The following NTRK1 variants were observed in gnomAD, a reference collection of about 807,000 sequenced individuals.
NTRK1 encodes the protein neurotrophic receptor tyrosine kinase 1.
In NTRK1, 62 loss-of-function variants were observed where a neutral mutation model predicts 86.8. The observed-to-expected ratio is 0.71, with a 90% CI of 0.58 to 0.88. The LOEUF (loss-of-function observed/expected upper bound fraction) is 0.88. Ranked by LOEUF, NTRK1 falls within the 40% of genes least tolerant of loss-of-function variation. NTRK1 has a pLI of 0.00. For synonymous variants in NTRK1, 469 were observed against 456.6 expected (o/e 1.03, Z -0.35); for missense variants, 967 against 1,078.4 (o/e 0.90, Z 1.45).
At chr1:156,838,374 G>T (rs1654651000) in intron 1 of NTRK1, among the ~76,000 whole-genome samples, 1 of 145,582 alleles carries the variant, frequency 6.9e-6, no homozygotes. Context: ...CCAGCTACAG[G>T]CTTTTTTTTT....
intron 1 of NTRK1, chr1:156,816,758 G>C: frequency 6.5e-7 from 1 of 1,527,856 alleles, no homozygotes; most frequent in Non-Finnish European, 8.8e-7. Context: ...TATGTGTTCC[G>C]GAAAGGTGTG....
At chr1:156,855,176 TTATC>T (rs142014665) in intron 2 of NTRK1, among the ~76,000 whole-genome samples, 25 of 143,578 alleles carry the variant, frequency 1.7e-4, no homozygotes, top group South Asian at 1.4e-3. Context: ...CCATCCAATT[TTATC>T]TATCTATCTA....
At chr1:156,816,645 C>G in intron 1 of NTRK1, 1 of 1,595,894 alleles carries the variant, frequency 6.3e-7, no homozygotes, top group South Asian at 1.1e-5. Context: ...TGTGCCCCCT[C>G]CCACCCATAT....
At position 156,842,266 on chromosome 1, in the gene NTRK1, G is replaced by T. The variant is rs758351138; in HGVS notation, c.50+73G>T. 5.6e-6 allele frequency: 9 copies of T among 1,613,836 alleles called. No individual in the cohort carries two copies. Among genetic ancestry groups the T allele is most frequent in the Non-Finnish European group, 7.6e-6 (9 of 1,179,974 alleles). ...CCAATGCTGGCTGTGGGAGCCCAGGGTTGTTCTAGAGCCAAGATTGGGGGC... is the reference window on the plus strand; with the variant it reads ...CCAATGCTGGCTGTGGGAGCCCAGGTTTGTTCTAGAGCCAAGATTGGGGGC... On this transcript the variant is annotated intron_variant, in intron 2 of 16. Transcript: ENST00000392302.
intron 6 of NTRK1, among the ~76,000 whole-genome samples, chr1:156,869,327 C>T (rs1647406303): frequency 1.3e-5 from 2 of 152,136 alleles, no homozygotes; most frequent in Admixed American, 6.5e-5. Context: ...ATCCACCCAC[C>T]TCGGCCTCCC....
chr1:156,817,075 C>CTCTCTCTCTCTCTCTCTCAT (rs1553256337), intron 1 of NTRK1, among the ~76,000 whole-genome samples: 1 of 126,116 alleles, frequency 7.9e-6, no homozygotes, highest in Non-Finnish European at 1.8e-5. Flanking sequence ...CTCTCTCTCT[C>CTCTCTCTCTCTCTCTCTCAT]ATCTCTCTTG....
chr1:156,874,611 C>T lies in NTRK1; in HGVS notation c.1236C>T (p.Asp412=), dbSNP rs147438950. Residue 412 remains aspartate (D), a synonymous_variant, in exon 10 of 17, where the codon GAC becomes GAT. Transcript: ENST00000524377. ...CTGGAGACCCGGTGGAGAAGAAGGACGAAACACCTTTTGGGGTGAGATAGG... is the reference window on the plus strand; with the variant it reads ...CTGGAGACCCGGTGGAGAAGAAGGATGAAACACCTTTTGGGGTGAGATAGG... ...STSGDPVEKK[D]ETPFGVSVAV... The T allele has an allele frequency of 4.9e-4, 783 of 1,613,990 alleles. 4 individuals are homozygous for T. The African/African-American group carries it at 8.9e-3, about 18-fold the overall frequency.
Position 156,873,989 on chromosome 1 carries a change from A to G in NTRK1, c.1177+30A>G, listed in dbSNP as rs778082180. On this transcript the variant is annotated intron_variant, in intron 8 of 16. Transcript: ENST00000524377. The stretch of plus-strand genomic sequence containing the variant: ...GAGGGCCATCCTGAACCCTGCCCCC[A>G]CTCCTGGGCTCCTCCTGGGTTACAG... 5.8e-6 allele frequency: 9 copies of G among 1,543,806 alleles called. No homozygotes were observed. The South Asian group carries it at 9.6e-5, about 16-fold the overall frequency.
rs529950735 is a variant in NTRK1 at position 156,815,973 on chromosome 1, T to G, written c.-64+135T>G. ...GGGAGGGTGGGAGAGATGAGGGAGC[T>G]GCACCACGCTGCCGCCCCAGGTTTC... On this transcript the variant is annotated intron_variant, in intron 1 of 16. Transcript: ENST00000392302. The G allele has an allele frequency of 3.1e-6, 5 of 1,610,132 alleles. No individual in the cohort carries two copies. In the South Asian group the frequency reaches 4.4e-5, roughly 14 times the overall value.
intron 7 of NTRK1, among the ~76,000 whole-genome samples, chr1:156,872,054 C>T (rs1163239844): frequency 6.6e-6 from 1 of 152,128 alleles, no homozygotes; most frequent in African/African-American, 2.4e-5. Context: ...TTTTCATGCC[C>T]GTCCCTCATC....
intron 6 of NTRK1, among the ~76,000 whole-genome samples, chr1:156,869,153 C>T (rs1343740012): frequency 1.3e-5 from 2 of 151,830 alleles, no homozygotes; most frequent in African/African-American, 4.8e-5. Context: ...CTCACCGCAA[C>T]CTCCGCCTCT....
chr1:156,868,925 G>A (rs1647351055), intron 6 of NTRK1, among the ~76,000 whole-genome samples: 1 of 152,170 alleles, frequency 6.6e-6, no homozygotes, highest in African/African-American at 2.4e-5. Context: ...GGAACATGGT[G>A]TTGGCTGCAA....
chr1:156,851,920 C>T (rs372331836), intron 2 of NTRK1: 6 of 1,595,578 alleles, frequency 3.8e-6, no homozygotes, highest in Non-Finnish European at 5.1e-6. Flanking sequence ...CAGAAGGGCA[C>T]TGGGCCAGGC....
rs781339703 is a variant in NTRK1 at position 156,845,299 on chromosome 1, G to C, written c.50+3106G>C. On this transcript the variant is annotated intron_variant, in intron 2 of 16. Coordinates refer to the NTRK1 transcript ENST00000392302. Reference sequence around the variant, plus strand: ...CCCGGCGGTGCCGCCCTGAGTCCCTGGGGAGAGCGAGTCAGAGCCAAGGCC... The same window carrying C: ...CCCGGCGGTGCCGCCCTGAGTCCCTCGGGAGAGCGAGTCAGAGCCAAGGCC... The C allele has an allele frequency of 1.9e-6, 3 of 1,612,780 alleles. No homozygotes were observed. The South Asian group carries it at 3.3e-5, about 18-fold the overall frequency.
At chr1:156,835,173 G>A (rs1331952058) in intron 1 of NTRK1, among the ~76,000 whole-genome samples, 1 of 152,158 alleles carries the variant, frequency 6.6e-6, no homozygotes, top group African/African-American at 2.4e-5. Flanking sequence ...TCTCTGAGAA[G>A]TGTCTGCTTT....
chr1:156,876,273 C>G (rs1647899530), intron 13 of NTRK1, 63 bp downstream of exon 13: 1 of 1,612,114 alleles, frequency 6.2e-7, no homozygotes, highest in African/African-American at 1.3e-5. Context: ...TCCATCACAT[C>G]AGGACAGAGT....
rs376734232 is a variant in NTRK1, at chr1:156,843,255, C to A, written c.50+1062C>A. 2.0e-5 allele frequency: 32 copies of A among 1,608,934 alleles called. No homozygotes were observed. The Middle Eastern group carries it at 8.2e-4, about 41-fold the overall frequency. ...TACACTGCAAGGAGGTGGAGGGTCACAAAGCGAGGATGCTGCTCTCTGCCA... is the reference window on the plus strand; with the variant it reads ...TACACTGCAAGGAGGTGGAGGGTCAAAAAGCGAGGATGCTGCTCTCTGCCA... On this transcript the variant is annotated intron_variant, in intron 2 of 16. Transcript: ENST00000392302.
intron 2 of NTRK1, chr1:156,844,555 G>C (rs1004080370): frequency 6.2e-7 from 1 of 1,614,198 alleles, no homozygotes; most frequent in East Asian, 2.2e-5. Flanking sequence ...TTTCCAGGGG[G>C]CAGCAGGGCC....
At chr1:156,841,033 C>G (rs762252294) in intron 1 of NTRK1, 2 of 1,601,664 alleles carry the variant, frequency 1.2e-6, no homozygotes, top group Non-Finnish European at 1.7e-6. Context: ...CTCCTGTATG[C>G]TGTCCAGAAT....
Sources: allele counts gnomAD v4.1 joint callset (sites outside exome capture counted in the v4.1 genomes callset), GRCh38; gene constraint gnomAD v4.1.1; transcripts MANE v1.5; gene names NCBI Gene and HGNC (gene_info 2026-07-23, HGNC 2026-07-21).